Variants in TASOR2 observed in about 807,000 individuals in gnomAD.
TASOR2 encodes the protein transcription activation suppressor family member 2.
TASOR2 carries 84 observed loss-of-function variants against 199.5 expected under a neutral mutation model. That is an observed-to-expected ratio of 0.42 (90% CI 0.35 to 0.50). The LOEUF (loss-of-function observed/expected upper bound fraction) is 0.50, where lower values mean the gene tolerates loss of function less well. Ranked by LOEUF, TASOR2 falls within the 20% of genes least tolerant of loss-of-function variation. The pLI is 0.02. For missense variants in TASOR2, 2,796 were observed against 2,835.9 expected (o/e 0.99, Z 0.32); for synonymous variants, 1,103 against 1,046.6 (o/e 1.05, Z -1.04).
intron 1 of TASOR2, chr10:5,712,511 T>C: frequency 1.6e-6 from 2 of 1,231,720 alleles, no homozygotes; most frequent in Non-Finnish European, 1.0e-6. Context: ...CAAGTGACTT[T>C]GGTGAAAAAT....
chr10:5,735,443 T>C, exon 12 of TASOR2: 1 of 1,614,150 alleles, frequency 6.2e-7, no homozygotes, highest in Non-Finnish European at 8.5e-7. Context: ...CAGTCAAAAC[T>C]GTTCCAAGGG....
chr10:5,684,964 G>A, exon 1 of TASOR2: 1 of 397,788 alleles, frequency 2.5e-6, no homozygotes, highest in Admixed American at 4.4e-5. Flanking sequence ...CGGCGTCCCT[G>A]TCAGCGCCCG....
At chr10:5,725,473 T>C (rs1044996439) in intron 8 of TASOR2, among the ~76,000 whole-genome samples, 8 of 149,016 alleles carry the variant, frequency 5.4e-5, no homozygotes, top group African/African-American at 2.0e-4. Context: ...TACAAAGTAG[T>C]GTAGTCCCTA....
chr10:5,749,906 T>C, exon 15 of TASOR2: 1 of 1,614,184 alleles, frequency 6.2e-7, no homozygotes, highest in Non-Finnish European at 8.5e-7. Context: ...GAAGACATAA[T>C]CATAGACGTG....
In TASOR2 at chr10:5,701,851, A is replaced by T. The variant is rs72774061; in HGVS notation, c.-287-10972A>T. Among the ~76,000 whole-genome samples, 2 of 152,014 alleles carry T rather than the reference A, an allele frequency of 1.3e-5. No individual in the cohort carries two copies. The highest frequency in any genetic ancestry group is 2.9e-5 in the Non-Finnish European group (2 of 67,946). ...CTGAATTTGTTTATCAGTTCTAACA[A>T]TTTTTTTGGTGGAGTCCAGGTTTTT... On this transcript the variant is annotated intron_variant, in intron 1 of 20. Coordinates refer to ENST00000328090, the Ensembl canonical transcript of TASOR2. This position sits in a 1 kb window ranked among gnomAD's most constrained non-coding sequence, Gnocchi z 4.9.
In TASOR2 at chr10:5,687,167, A is replaced by T. The variant is rs1835899566; in HGVS notation, c.-288+1992A>T. Among the ~76,000 whole-genome samples, 1 of 152,204 alleles carries T rather than the reference A, an allele frequency of 6.6e-6. No homozygotes were observed. The highest frequency in any genetic ancestry group is 1.5e-5 in the Non-Finnish European group (1 of 68,046). ...ATATGCTTTTTGTCAGTACATGTTA[A>T]TGGTATATTTCATAACAAAAATTAA... is the stretch of plus-strand genomic sequence containing the variant. On this transcript the variant is annotated intron_variant, in intron 1 of 20. Transcript: ENST00000328090. This position sits in a 1 kb window ranked among gnomAD's most constrained non-coding sequence, Gnocchi z 4.8.
At chr10:5,735,272 C>G (rs1211165325) in intron 11 of TASOR2, 32 bp from the exon 13 acceptor site, 2 of 1,600,204 alleles carry the variant, frequency 1.2e-6, no homozygotes, top group South Asian at 2.3e-5. Context: ...GGGCCCCTAC[C>G]CCTTACAAAA....
chr10:5,714,205 A>C (rs1832302128), intron 2 of TASOR2: 1 of 1,231,696 alleles, frequency 8.1e-7, no homozygotes. Context: ...GATCCAGCCA[A>C]AGGTAAGTCC....
chr10:5,761,651 A>C, intron 19 of TASOR2, 180 bp downstream of exon 20: 1 of 598,784 alleles, frequency 1.7e-6, no homozygotes, highest in Admixed American at 3.0e-5. Flanking sequence ...TTTGCAGGTA[A>C]CTACACAATC....
chr10:5,691,649 TCTA>T (rs1225920429), intron 1 of TASOR2, among the ~76,000 whole-genome samples: 3 of 152,210 alleles, frequency 2.0e-5, no homozygotes, highest in Admixed American at 1.3e-4. Flanking sequence ...ATGAATAAGA[TCTA>T]CTAATTAGGC....
chr10:5,688,824 T>C (rs1179776704), intron 1 of TASOR2, among the ~76,000 whole-genome samples: 1 of 150,694 alleles, frequency 6.6e-6, no homozygotes, highest in Non-Finnish European at 1.5e-5. Context: ...GGCAACATAG[T>C]GAGACCCCAT....
Position 5,748,365 on chromosome 10 carries a change from G to A in TASOR2, c.4944G>A (p.Gln1648=). The A allele has an allele frequency of 1.2e-6, 2 of 1,614,220 alleles. No individual in the cohort carries two copies. Among genetic ancestry groups the A allele is most frequent in the Non-Finnish European group, 1.7e-6 (2 of 1,180,050 alleles). ...CGGTTGATGGAGCTTATTCTACACAGGGATGCATGTGCTCAGTGGTCCCCA... is the reference window on the plus strand; with the variant it reads ...CGGTTGATGGAGCTTATTCTACACAAGGATGCATGTGCTCAGTGGTCCCCA... The change falls in exon 15 of 21, where the codon CAG becomes CAA. Residue 1648 remains glutamine, a synonymous_variant. Coordinates refer to ENST00000328090, the Ensembl canonical transcript of TASOR2. This position sits in a 1 kb window ranked among gnomAD's most constrained non-coding sequence, Gnocchi z 5.1.
exon 15 of TASOR2, chr10:5,746,445 A>G (rs760771594): frequency 5.6e-6 from 9 of 1,614,042 alleles, no homozygotes; most frequent in East Asian, 2.2e-5. Flanking sequence ...TTCTTGATGC[A>G]GCAGTGCAAA....
intron 15 of TASOR2, 82 bp from the exon 17 acceptor site, chr10:5,756,531 C>T: frequency 6.9e-7 from 1 of 1,443,726 alleles, no homozygotes; most frequent in Non-Finnish European, 9.4e-7. Flanking sequence ...GACTATACTG[C>T]TTTTCATTAT....
chr10:5,724,477 A>G lies in TASOR2; in HGVS notation c.295A>G (p.Asn99Asp), dbSNP rs373569620. ...CAATTTGTATGAGGTAGAACTGTCA[A>G]ACAGACAAGGGGAAAATATAGATAA... The change falls in exon 8 of 21, where the codon AAC becomes GAC. Residue 99 changes from asparagine (N) to aspartate (D), a missense_variant. Physicochemically the swap from Asn to Asp is conservative, Grantham distance 23. Coordinates refer to ENST00000328090, the Ensembl canonical transcript of TASOR2. 144 of 1,540,568 alleles carry G rather than the reference A, an allele frequency of 9.3e-5. No individual in the cohort carries two copies. Among genetic ancestry groups the G allele is most frequent in the Middle Eastern group, 1.7e-4 (1 of 5,862 alleles).
chr10:5,724,498 G>T, exon 8 of TASOR2: 1 of 1,515,276 alleles, frequency 6.6e-7, no homozygotes. Flanking sequence ...GGAAAATATA[G>T]ATAAATTAAC....
chr10:5,745,891 T>C (rs769148318), intron 14 of TASOR2, among the ~76,000 whole-genome samples: 18 of 152,190 alleles, frequency 1.2e-4, no homozygotes, highest in Non-Finnish European at 2.2e-4. Flanking sequence ...ATTTAAAGTC[T>C]TTTAAATTGT....
chr10:5,742,468 G>C lies in TASOR2; in HGVS notation c.2699G>C (p.Arg900Thr), dbSNP rs1250926788. The C allele has an allele frequency of 7.4e-6, 12 of 1,613,998 alleles. No homozygotes were observed. The South Asian group carries it at 1.3e-4, about 18-fold the overall frequency. Reference sequence around the variant, plus strand: ...AATGAACAGAAAAAAACTTTTGCAAGAGAGTGTGATCCAGACACCCAAGAA... The same window carrying C: ...AATGAACAGAAAAAAACTTTTGCAACAGAGTGTGATCCAGACACCCAAGAA... Residue 900 changes from arginine to threonine, a missense_variant, in exon 14 of 21, where the codon AGA (arginine) becomes ACA (threonine). Arg to Thr is a moderately conservative substitution (Grantham distance 71). This residue lies in a region of TASOR2 where 1,941 missense variants were observed against 1,924.9 expected (regional missense o/e 1.01). Transcript: ENST00000328090. This position sits in a 1 kb window ranked among gnomAD's most constrained non-coding sequence, Gnocchi z 4.2.
chr10:5,752,101 C>G lies in TASOR2; in HGVS notation c.6606+2074C>G, dbSNP rs1838132432. 6.6e-6 allele frequency among the ~76,000 whole-genome samples: 1 copy of G among 152,172 alleles called. No individual in the cohort carries two copies. Among genetic ancestry groups the G allele is most frequent in the Non-Finnish European group, 1.5e-5 (1 of 68,028 alleles). ...CTGAGCGCGGGCCAGCTGCCCTCCC[C>G]CTACCCTTGCAGCAGAAAGCTCCAT... On this transcript the variant is annotated intron_variant, in intron 15 of 20. Transcript: ENST00000328090. This position sits in a 1 kb window ranked among gnomAD's most constrained non-coding sequence, Gnocchi z 4.4.
Sources: gnomAD v4.1 joint callset for allele counts (sites outside exome capture counted in the v4.1 genomes callset) on GRCh38, gnomAD v4.1.1 for gene constraint, gnomAD v4.1.1 regional missense constraint, Gnocchi (gnomAD v3.1) non-coding constraint, MANE v1.5 for transcripts, NCBI Gene and HGNC (gene_info 2026-07-23, HGNC 2026-07-21) for gene names.